Variants in C3orf20 observed in about 807,000 individuals in gnomAD.
C3orf20 encodes uncharacterized protein C3orf20.
In C3orf20, 76 loss-of-function variants were observed where a neutral mutation model predicts 88.3. That is an observed-to-expected ratio of 0.86 (90% CI 0.72 to 1.04). The LOEUF is 1.04. C3orf20 is among the 50% of genes least tolerant of loss of function. The pLI is 0.00. For missense variants in C3orf20, 1,056 were observed against 1,123.3 expected, an observed-to-expected ratio of 0.94 and a Z score of 0.86; for synonymous variants, 436 against 437.4, an observed-to-expected ratio of 1.00 and a Z score of 0.04.
At position 14,728,762 on chromosome 3, in the gene C3orf20, A is replaced by G. The variant is rs998774249; in HGVS notation, c.1940+74A>G. ...CAGTGGGCACAGGATAGTGAACCCA[A>G]CAGATGGGGCCCCTCTCTTTTGGAG... On this transcript the variant is annotated intron_variant, in intron 12 of 16. Transcript: ENST00000253697. The G allele has an allele frequency of 4.6e-6, 7 of 1,519,744 alleles. No homozygotes were observed. In the African/African-American group the frequency reaches 6.9e-5, roughly 15 times the overall value. 94.1% of individuals were successfully genotyped at this position (1,519,744 alleles called of 1,614,324 possible).
chr3:14,680,431 T>C (rs1420080106), intron 1 of C3orf20, among the ~76,000 whole-genome samples: 1 of 152,210 alleles, frequency 6.6e-6, no homozygotes, highest in Non-Finnish European at 1.5e-5. Flanking sequence ...GATGATCCTA[T>C]TTTTATGAAA....
At chr3:14,707,383 G>A (rs564178398) in intron 7 of C3orf20, among the ~76,000 whole-genome samples, 1 of 151,946 alleles carries the variant, frequency 6.6e-6, no homozygotes, top group South Asian at 2.1e-4. Context: ...GGGTGTGAGT[G>A]GTATCTCACT....
In C3orf20 at chr3:14,684,480, T is replaced by G; in HGVS notation, c.625+98T>G. 4.1e-6 allele frequency: 6 copies of G among 1,474,280 alleles called. No individual in the cohort carries two copies. In the South Asian group the frequency reaches 8.0e-5, roughly 20 times the overall value. 91.3% of individuals were successfully genotyped at this position (1,474,280 alleles called of 1,614,324 possible). A position where few individuals can be genotyped will look rare whatever the true frequency, so the allele number is the denominator to read the frequency against. On this transcript the variant is annotated intron_variant, in intron 4 of 16. Coordinates refer to ENST00000253697, the MANE Select transcript of C3orf20 (RefSeq NM_032137.5). ...ACCCCCAGTTTGAAGGTTTGACATT[T>G]CCAAGAATTGAGGTGGATGTGGAGC...
At chr3:14,720,940 G>GATA (rs2034134085) in intron 9 of C3orf20, among the ~76,000 whole-genome samples, 2 of 152,186 alleles carry the variant, frequency 1.3e-5, no homozygotes. Context: ...GCAGAACTGG[G>GATA]ACTCACCCGT....
intron 9 of C3orf20, among the ~76,000 whole-genome samples, chr3:14,717,419 A>G (rs1179728056): frequency 6.6e-6 from 1 of 152,006 alleles, no homozygotes; most frequent in Non-Finnish European, 1.5e-5. Flanking sequence ...ATTCACATAG[A>G]GAGGAGGAGG....
chr3:14,679,919 C>G (rs144685728), intron 1 of C3orf20, among the ~76,000 whole-genome samples: 1 of 152,118 alleles, frequency 6.6e-6, no homozygotes, highest in Non-Finnish European at 1.5e-5. Context: ...TGAAAAGATG[C>G]TTAGGGAATT....
chr3:14,702,951 A>G (rs2033335264), intron 5 of C3orf20, among the ~76,000 whole-genome samples, 179 bp from the exon 6 acceptor site: 1 of 152,214 alleles, frequency 6.6e-6, no homozygotes, highest in Non-Finnish European at 1.5e-5. Flanking sequence ...CAAATGGGAA[A>G]AAATGGCCAA....
chr3:14,756,230 A>T (rs987726412), intron 12 of C3orf20, among the ~76,000 whole-genome samples: 5 of 151,440 alleles, frequency 3.3e-5, no homozygotes, highest in African/African-American at 9.7e-5. Context: ...ATAAAGGTAG[A>T]ATCATAGCAG....
At chr3:14,703,912 C>T (rs1354026636) in intron 6 of C3orf20, among the ~76,000 whole-genome samples, 5 of 152,168 alleles carry the variant, frequency 3.3e-5, no homozygotes, top group Non-Finnish European at 7.3e-5. Flanking sequence ...CATCTAATAG[C>T]TTGGTCATAT....
intron 1 of C3orf20, among the ~76,000 whole-genome samples, chr3:14,679,362 T>A (rs1047879708): frequency 4.6e-5 from 7 of 152,164 alleles, no homozygotes; most frequent in Non-Finnish European, 8.8e-5. Context: ...CTAACATGGC[T>A]GGGGGTCAGT....
At chr3:14,680,712 A>T (rs1466811584) in intron 1 of C3orf20, among the ~76,000 whole-genome samples, 1 of 152,202 alleles carries the variant, frequency 6.6e-6, no homozygotes, top group Admixed American at 6.5e-5. Context: ...ACCTCAAAAA[A>T]CAAAGGAACT....
intron 15 of C3orf20, among the ~76,000 whole-genome samples, chr3:14,766,014 G>C (rs577014627): frequency 6.6e-6 from 1 of 152,206 alleles, no homozygotes; most frequent in Non-Finnish European, 1.5e-5. Context: ...AAAAACAACT[G>C]GGGGAGTCTG....
In C3orf20 at chr3:14,772,384, G is replaced by A. The variant is rs979639217; in HGVS notation, c.2630+183G>A. Among the ~76,000 whole-genome samples the A allele has an allele frequency of 5.3e-5, 8 of 152,190 alleles. No homozygotes were observed. Among genetic ancestry groups the A allele is most frequent in the East Asian group, 3.9e-4 (2 of 5,182 alleles). On this transcript the variant is annotated intron_variant, in intron 16 of 16. Transcript: ENST00000253697. This position sits in a 1 kb window ranked among gnomAD's most constrained non-coding sequence, Gnocchi z 4.2. ...CATGCAGGCTGCCCTGGAGCTGCTC[G>A]CAGTGGTCTGGGTGGTAGAGATGGA...
At chr3:14,729,402 A>G (rs942438273) in intron 12 of C3orf20, among the ~76,000 whole-genome samples, 1 of 152,148 alleles carries the variant, frequency 6.6e-6, no homozygotes, top group African/African-American at 2.4e-5. Context: ...TATGTGTGAG[A>G]GAGTAAGAAG....
rs557894206 is a variant in C3orf20 at position 14,708,823 on chromosome 3, T to C, written c.1160+4205T>C. 8.5e-5 allele frequency among the ~76,000 whole-genome samples: 13 copies of C among 152,220 alleles called. No homozygotes were observed. In the East Asian group the frequency reaches 2.1e-3, roughly 25 times the overall value. On this transcript the variant is annotated intron_variant, in intron 7 of 16. Coordinates refer to ENST00000253697, the MANE Select transcript of C3orf20 (RefSeq NM_032137.5). ...CATACCTGGCTAATTTTTGTGTTTTTAGTAGAGATAGGGTTTGGCCATGTT... is the reference window on the plus strand; with the variant it reads ...CATACCTGGCTAATTTTTGTGTTTTCAGTAGAGATAGGGTTTGGCCATGTT...
rs1206708057 is a variant in C3orf20 at position 14,728,538 on chromosome 3, G to C, written c.1790G>C (p.Ser597Thr). 1 of 1,614,212 alleles carries C rather than the reference G, an allele frequency of 6.2e-7. No homozygotes were observed. The highest frequency in any genetic ancestry group is 2.2e-5 in the East Asian group (1 of 44,888). The change falls in exon 12 of 17, where the codon AGT becomes ACT. Residue 597 changes from serine (S) to threonine (T), a missense_variant. Ser to Thr is a moderately conservative substitution (Grantham distance 58, BLOSUM62 1). Transcript: ENST00000253697. ...RTHPERLPKLSLYSGESLLRS... is the reference protein window; with the variant it reads ...RTHPERLPKLTLYSGESLLRS... ...CATCCCGAGCGGCTCCCCAAGCTAAGTTTATACTCAGGAGAAAGTCTTTTA... is the reference window on the plus strand; with the variant it reads ...CATCCCGAGCGGCTCCCCAAGCTAACTTTATACTCAGGAGAAAGTCTTTTA...
At chr3:14,687,777 A>G (rs911728147) in intron 4 of C3orf20, among the ~76,000 whole-genome samples, 1 of 152,330 alleles carries the variant, frequency 6.6e-6, no homozygotes, top group Middle Eastern at 3.4e-3. Context: ...TGAGGGAGGC[A>G]CAGTGGCTTC....
chr3:14,763,491 C>G (rs2035616377), intron 15 of C3orf20, among the ~76,000 whole-genome samples: 1 of 152,202 alleles, frequency 6.6e-6, no homozygotes, highest in Non-Finnish European at 1.5e-5. Flanking sequence ...CCCAAAAGCT[C>G]TGCCTCCCAA....
intron 15 of C3orf20, among the ~76,000 whole-genome samples, chr3:14,766,005 A>G (rs910673020): frequency 6.6e-6 from 1 of 152,184 alleles, no homozygotes. Flanking sequence ...TGCCAGGCCA[A>G]AAACAACTGG....
Sources: allele counts gnomAD v4.1 joint callset (sites outside exome capture counted in the v4.1 genomes callset), GRCh38; gene constraint gnomAD v4.1.1; non-coding constraint Gnocchi (gnomAD v3.1); transcripts MANE v1.5; gene names NCBI Gene and HGNC (gene_info 2026-07-23, HGNC 2026-07-21).